Variants in PARD3 observed in about 807,000 individuals in gnomAD.
PARD3 encodes the protein par-3 family cell polarity regulator, also known as partitioning defective 3 homolog.
Under a neutral mutation model 155.4 loss-of-function variants are expected in PARD3, and 75 were observed. The ratio of observed to expected loss-of-function variants is 0.48; its 90% CI spans 0.40 to 0.58. The LOEUF (loss-of-function observed/expected upper bound fraction) is 0.58, where lower values mean the gene tolerates loss of function less well. Ranked by LOEUF, PARD3 falls within the 20% of genes least tolerant of loss-of-function variation. The pLI, the probability that PARD3 is intolerant of heterozygous loss-of-function variation, is 0.00. For missense variants in PARD3, 1,642 were observed against 1,721.7 expected, an observed-to-expected ratio of 0.95 and a Z score of 0.82; for synonymous variants, 576 against 610.5, an observed-to-expected ratio of 0.94 and a Z score of 0.83.
In PARD3 at chr10:34,395,816, C is replaced by A. The variant is rs1198075670; in HGVS notation, c.890+3514G>T. On this transcript the variant is annotated intron_variant, in intron 7 of 24. Coordinates refer to ENST00000374788, the MANE Select transcript of PARD3 (RefSeq NM_001184785.2). Reference sequence around the variant, plus strand: ...TGCGCCACTGCAGTCCGCAGTCCAACCTGGGCGACAGAGCGAGACTCCGTC... The same window carrying A: ...TGCGCCACTGCAGTCCGCAGTCCAAACTGGGCGACAGAGCGAGACTCCGTC... 1.6e-4 allele frequency among the ~76,000 whole-genome samples: 4 copies of A among 25,476 alleles called. 1 individual carries two copies. In the Admixed American group the frequency reaches 1.9e-3, roughly 12 times the overall value. 16.7% of individuals were successfully genotyped at this position (25,476 alleles called of 152,430 possible).
At chr10:34,741,847 A>G (rs1026931303) in intron 1 of PARD3, among the ~76,000 whole-genome samples, 1 of 152,244 alleles carries the variant, frequency 6.6e-6, no homozygotes, top group African/African-American at 2.4e-5. Context: ...AAGTACTTCA[A>G]AAAGACCATT....
intron 3 of PARD3, among the ~76,000 whole-genome samples, chr10:34,485,075 C>A (rs1314299520): frequency 1.6e-4 from 25 of 152,178 alleles, no homozygotes. Flanking sequence ...CAGTGGCATA[C>A]ATCTGTAATC....
At chr10:34,208,284 G>GT (rs1951573643) in intron 22 of PARD3, among the ~76,000 whole-genome samples, 1 of 152,226 alleles carries the variant, frequency 6.6e-6, no homozygotes, top group Admixed American at 6.5e-5. Flanking sequence ...GCGAAGAAAA[G>GT]TAATTGGCAA....
intron 3 of PARD3, among the ~76,000 whole-genome samples, chr10:34,490,466 A>AG (rs57793282): frequency 0.068 from 10,316 of 152,128 alleles, 1,153 homozygotes; most frequent in African/African-American, 0.23. Flanking sequence ...TATCTATGTC[A>AG]GAACATTTAC....
chr10:34,704,778 T>C (rs1414395412), intron 1 of PARD3, among the ~76,000 whole-genome samples: 1 of 152,192 alleles, frequency 6.6e-6, no homozygotes, highest in Non-Finnish European at 1.5e-5. Flanking sequence ...GTTTGAAAAG[T>C]CCTTTAAATA....
intron 5 of PARD3, among the ~76,000 whole-genome samples, chr10:34,412,622 G>T (rs1332811649): frequency 1.3e-5 from 2 of 152,188 alleles, no homozygotes; most frequent in African/African-American, 4.8e-5. Flanking sequence ...TGAATTAAAT[G>T]CTGGGAAATC....
intron 15 of PARD3, chr10:34,345,837 T>C (rs1184397717): frequency 1.0e-6 from 1 of 985,120 alleles, no homozygotes; most frequent in Non-Finnish European, 1.2e-6. Context: ...TTGCATTTGA[T>C]TCTTACGGCC....
Position 34,766,799 on chromosome 10 carries a change from G to A in PARD3, c.120+48077C>T, listed in dbSNP as rs78790282. On this transcript the variant is annotated intron_variant, in intron 1 of 24. Coordinates refer to ENST00000374788, the MANE Select transcript of PARD3 (RefSeq NM_001184785.2). ...ATGCACACAATTACAACGCAGGAAC[G>A]TGGTGTAAGGCATCTTTAAGATAAC... Among the ~76,000 whole-genome samples, 718 of 152,264 alleles carry A rather than the reference G, an allele frequency of 4.7e-3. 14 individuals carry two copies. The highest frequency in any genetic ancestry group is 0.024 in the East Asian group (126 of 5,180).
In PARD3 at chr10:34,450,429, C is replaced by G. The variant is rs751017114; in HGVS notation, c.602G>C (p.Ser201Thr). The G allele has an allele frequency of 6.2e-7, 1 of 1,610,274 alleles. No individual in the cohort carries two copies. The highest frequency in any genetic ancestry group is 1.1e-5 in the South Asian group (1 of 89,954). The change falls in exon 5 of 25, where the codon AGC becomes ACC. Residue 201 changes from serine (S) to threonine (T), a missense_variant. Around this residue, in one of 3 missense-constraint regions of PARD3, gnomAD observed 1,529 missense variants for 1,587.3 expected, o/e 0.96. Transcript: ENST00000374788. Reference protein sequence around the residue: ...CDRKKDENYRSLPRDTSNWSN... With the variant: ...CDRKKDENYRTLPRDTSNWSN... ...CCAGTTACTAGTATCCCGCGGGAGG[C>G]TTCTGTAGTTTTCATCTTTCTATTC...
intron 19 of PARD3, 121 bp downstream of exon 19, chr10:34,330,996 G>T: frequency 1.5e-6 from 1 of 680,312 alleles, no homozygotes; most frequent in Non-Finnish European, 2.5e-6. Context: ...GAGATTATTA[G>T]ACCTCAGAGA....
intron 2 of PARD3, among the ~76,000 whole-genome samples, chr10:34,648,977 T>C (rs145017349): frequency 6.6e-6 from 1 of 152,262 alleles, no homozygotes; most frequent in South Asian, 2.1e-4. Context: ...AATATGGCTG[T>C]GGAGCTACGT....
chr10:34,214,892 C>T (rs1319612538), intron 22 of PARD3, among the ~76,000 whole-genome samples: 2 of 152,080 alleles, frequency 1.3e-5, no homozygotes, highest in African/African-American at 4.8e-5. Context: ...GAAAAAAAAT[C>T]TAAAATGATC....
chr10:34,545,657 C>CAATT (rs1043900639), intron 2 of PARD3, among the ~76,000 whole-genome samples: 21 of 152,280 alleles, frequency 1.4e-4, no homozygotes, highest in African/African-American at 4.1e-4. Flanking sequence ...CTGGTTCAAG[C>CAATT]AATTCCCCTG....
intron 7 of PARD3, among the ~76,000 whole-genome samples, chr10:34,389,239 TAAAAAAA>T (rs57615675): frequency 3.0e-4 from 20 of 65,852 alleles, no homozygotes; most frequent in South Asian, 1.2e-3. Flanking sequence ...CAATGTTTCT[TAAAAAAA>T]AAAAAAAAAA....
intron 2 of PARD3, among the ~76,000 whole-genome samples, chr10:34,562,984 T>C (rs115221122): frequency 0.025 from 3,734 of 152,188 alleles, 149 homozygotes; most frequent in African/African-American, 0.085. Flanking sequence ...TTGCCTAGAC[T>C]GGTCTCAAAC....
intron 2 of PARD3, among the ~76,000 whole-genome samples, chr10:34,646,912 C>T (rs1468975055): frequency 6.6e-6 from 1 of 152,176 alleles, no homozygotes; most frequent in Admixed American, 6.5e-5. Flanking sequence ...CTTGCATGCA[C>T]TTTTATATAA....
chr10:34,360,243 T>A lies in PARD3; in HGVS notation c.1724A>T (p.Asp575Val), dbSNP rs771411252. The A allele has an allele frequency of 3.1e-6, 5 of 1,612,734 alleles. No homozygotes were observed. The South Asian group carries it at 4.4e-5, about 14-fold the overall frequency. Residue 575 changes from aspartate to valine, a missense_variant, in exon 13 of 25, where the codon GAT becomes GTT. Transcript: ENST00000374788. ...GGTGCCATCAGGTGTAAGAACAATATCCTCATCTTCTGCTTTCTAATAGGG... is the reference window on the plus strand; with the variant it reads ...GGTGCCATCAGGTGTAAGAACAATAACCTCATCTTCTGCTTTCTAATAGGG... ...IPKETKAEDE[D>V]IVLTPDGTRE...
At chr10:34,456,575 G>A (rs2077352928) in intron 4 of PARD3, among the ~76,000 whole-genome samples, 1 of 152,188 alleles carries the variant, frequency 6.6e-6, no homozygotes, top group Non-Finnish European at 1.5e-5. Flanking sequence ...TAGGATTACA[G>A]GCGTGAGCCA....
intron 2 of PARD3, among the ~76,000 whole-genome samples, chr10:34,670,736 G>A (rs906749754): frequency 6.6e-6 from 1 of 152,126 alleles, no homozygotes; most frequent in African/African-American, 2.4e-5. Context: ...AAGAATTCAG[G>A]GTCCAATCCA....
Sources: allele counts gnomAD v4.1 joint callset (sites outside exome capture counted in the v4.1 genomes callset), GRCh38; gene constraint gnomAD v4.1.1; regional missense constraint gnomAD v4.1.1; transcripts MANE v1.5; gene names NCBI Gene and HGNC (gene_info 2026-07-23, HGNC 2026-07-21).